Variants in SLC2A9 observed in about 807,000 individuals in gnomAD.
SLC2A9 encodes the protein solute carrier family 2 member 9, also known as solute carrier family 2, facilitated glucose transporter member 9.
In SLC2A9, 39 loss-of-function variants were observed where a neutral mutation model predicts 50.6. The observed-to-expected ratio is 0.77, with a 90% CI of 0.60 to 1.01. The LOEUF (loss-of-function observed/expected upper bound fraction) is 1.01. SLC2A9 is among the 50% of genes least tolerant of loss of function. SLC2A9 has a pLI of 0.00. For synonymous variants in SLC2A9, 324 were observed against 276.9 expected (o/e 1.17, Z -1.69); for missense variants, 686 against 677.6 (o/e 1.01, Z -0.14).
intron 10 of SLC2A9, among the ~76,000 whole-genome samples, chr4:9,847,495 T>C (rs1283688359): frequency 1.3e-5 from 2 of 152,224 alleles, no homozygotes; most frequent in Non-Finnish European, 2.9e-5. Flanking sequence ...CCAAACCATA[T>C]TGGCAAAGGC....
intron 5 of SLC2A9, among the ~76,000 whole-genome samples, chr4:9,944,259 A>G (rs551875980): frequency 1.3e-5 from 2 of 152,272 alleles, no homozygotes; most frequent in Admixed American, 6.5e-5. Flanking sequence ...CTGCCTTTCC[A>G]TGGCTCTTGG....
At chr4:9,992,677 G>A (rs1161638524) in intron 3 of SLC2A9, among the ~76,000 whole-genome samples, 2 of 152,242 alleles carry the variant, frequency 1.3e-5, no homozygotes, top group Non-Finnish European at 2.9e-5. Flanking sequence ...AAAGCAAGGT[G>A]AGCTGAGAGG....
intron 5 of SLC2A9, among the ~76,000 whole-genome samples, chr4:9,957,879 A>C (rs1163999768): frequency 6.6e-6 from 1 of 152,192 alleles, no homozygotes; most frequent in Non-Finnish European, 1.5e-5. Flanking sequence ...AGGTTAGGAG[A>C]AAATTATCAA....
At chr4:9,967,534 C>G (rs1341143860) in intron 5 of SLC2A9, among the ~76,000 whole-genome samples, 1 of 151,676 alleles carries the variant, frequency 6.6e-6, no homozygotes, top group Non-Finnish European at 1.5e-5. Context: ...AAAGTAAGAA[C>G]TGTTTTTAAT....
chr4:9,775,038 G>A (rs895863428), downstream of SLC2A9, among the ~76,000 whole-genome samples: 2 of 152,138 alleles, frequency 1.3e-5, no homozygotes, highest in South Asian at 4.1e-4. Context: ...GACCACTGAG[G>A]CCAGAGAATT....
chr4:9,935,475 G>C (rs910560936), intron 6 of SLC2A9, among the ~76,000 whole-genome samples: 1 of 152,184 alleles, frequency 6.6e-6, no homozygotes, highest in African/African-American at 2.4e-5. Context: ...TATGTGCCCT[G>C]GTTCTGACCT....
chr4:9,796,795 A>T (rs1720650277), downstream of SLC2A9, among the ~76,000 whole-genome samples: 1 of 152,178 alleles, frequency 6.6e-6, no homozygotes, highest in Non-Finnish European at 1.5e-5. Context: ...AAGTAGCAGC[A>T]GTTATCTGAA....
At chr4:9,819,696 G>A (rs964765908) in intron 3 of SLC2A9, among the ~76,000 whole-genome samples, 1 of 152,226 alleles carries the variant, frequency 6.6e-6, no homozygotes, top group African/African-American at 2.4e-5. Context: ...CACTTTGGGA[G>A]GCCAAGGCGT....
At chr4:9,917,317 C>CT (rs1315213750) in intron 7 of SLC2A9, among the ~76,000 whole-genome samples, 2 of 112,488 alleles carry the variant, frequency 1.8e-5, no homozygotes, top group Admixed American at 9.1e-5. Flanking sequence ...TGAATAATTT[C>CT]TTTTTTCCTT....
intron 1 of SLC2A9, among the ~76,000 whole-genome samples, chr4:10,039,620 G>A (rs1764215516): frequency 1.3e-5 from 2 of 152,144 alleles, no homozygotes; most frequent in South Asian, 4.1e-4. Flanking sequence ...TATCTCTGAA[G>A]ATGGTTCTAA....
chr4:9,783,235 C>T (rs568876308), intron 3 of SLC2A9: 1 of 1,614,224 alleles, frequency 6.2e-7, no homozygotes, highest in African/African-American at 1.3e-5. Flanking sequence ...ACATCGTCTT[C>T]CACAAGGAAA....
chr4:9,793,772 TA>T (rs1720257447), intron 3 of SLC2A9, among the ~76,000 whole-genome samples: 1 of 152,170 alleles, frequency 6.6e-6, no homozygotes, highest in Non-Finnish European at 1.5e-5. Context: ...AATGAAGATT[TA>T]AAAAATGGAC....
At chr4:9,936,779 T>C (rs1031561211) in intron 6 of SLC2A9, among the ~76,000 whole-genome samples, 4 of 152,114 alleles carry the variant, frequency 2.6e-5, no homozygotes, top group South Asian at 2.1e-4. Context: ...AGTGGCAGGA[T>C]GGAGTGACTC....
chr4:9,970,569 G>A (rs1462429695), intron 5 of SLC2A9, among the ~76,000 whole-genome samples: 2 of 152,086 alleles, frequency 1.3e-5, no homozygotes, highest in Admixed American at 6.5e-5. Flanking sequence ...AAGGTTCCTG[G>A]AACCCAGCTA....
intron 5 of SLC2A9, among the ~76,000 whole-genome samples, chr4:9,952,186 T>C (rs1054281779): frequency 1.1e-4 from 16 of 152,230 alleles, no homozygotes; most frequent in African/African-American, 3.6e-4. Flanking sequence ...GTAGGGGCTT[T>C]ATAAGTGCTT....
At chr4:9,963,482 G>T (rs1041652433) in intron 5 of SLC2A9, among the ~76,000 whole-genome samples, 21 of 152,336 alleles carry the variant, frequency 1.4e-4, no homozygotes, top group African/African-American at 4.8e-4. Context: ...ATACAAAGAT[G>T]AGAACTTGGA....
intron 10 of SLC2A9, among the ~76,000 whole-genome samples, chr4:9,875,651 G>A (rs1352170929): frequency 6.6e-6 from 1 of 152,174 alleles, no homozygotes; most frequent in African/African-American, 2.4e-5. Context: ...AAGTGGAATT[G>A]TGGTTCACTG....
At chr4:10,017,323 T>C (rs1464137505) in intron 2 of SLC2A9, among the ~76,000 whole-genome samples, 1 of 152,190 alleles carries the variant, frequency 6.6e-6, no homozygotes, top group African/African-American at 2.4e-5. Context: ...CCTGGATGTT[T>C]TGATGAACTT....
In SLC2A9 at chr4:9,984,491, T is replaced by C. The variant is rs370777146; in HGVS notation, c.535+1178A>G. 1.4e-4 allele frequency among the ~76,000 whole-genome samples: 22 copies of C among 152,278 alleles called. No individual in the cohort carries two copies. In the East Asian group the frequency reaches 1.9e-3, roughly 13 times the overall value. On this transcript the variant is annotated intron_variant, in intron 4 of 11. Transcript: ENST00000264784. The stretch of plus-strand genomic sequence containing the variant: ...TCAGCCTTATTATAGCCTTTTGAAG[T>C]AGGTATTATTACCACCATTTTACAA...
Sources: allele counts gnomAD v4.1 joint callset (sites outside exome capture counted in the v4.1 genomes callset), GRCh38; gene constraint gnomAD v4.1.1; transcripts MANE v1.5; gene names NCBI Gene and HGNC (gene_info 2026-07-23, HGNC 2026-07-21).